SRPK2: variants seen among roughly 807,000 people sequenced by gnomAD.
The protein encoded by SRPK2 is SFRS protein kinase 2.
A neutral mutation model predicts 90.8 loss-of-function variants in SRPK2; 21 were observed. The observed-to-expected ratio is 0.23, with a 90% CI of 0.16 to 0.33. SRPK2 has a LOEUF of 0.33. Ranked by LOEUF, SRPK2 falls within the 10% of genes least tolerant of loss-of-function variation. SRPK2 has a pLI of 1.00. For missense variants in SRPK2, 620 were observed against 869.0 expected (o/e 0.71, Z 3.60); for synonymous variants, 288 against 311.1 (o/e 0.93, Z 0.78).
chr7:105,142,633 C>T (rs940979921), intron 10 of SRPK2, 143 bp from the exon 11 acceptor site: 2 of 1,159,980 alleles, frequency 1.7e-6, no homozygotes, highest in South Asian at 3.6e-5. Flanking sequence ...TGGGGTAAAA[C>T]CTTCAGGTTT....
At chr7:105,225,797 T>TAA (rs11389839) in intron 2 of SRPK2, among the ~76,000 whole-genome samples, 61 of 148,844 alleles carry the variant, frequency 4.1e-4, no homozygotes, top group South Asian at 6.3e-4. Context: ...AACTTACACT[T>TAA]AAAAAAAAAA....
intron 3 of SRPK2, among the ~76,000 whole-genome samples, chr7:105,181,905 A>AAC (rs1792896383): frequency 7.8e-6 from 1 of 128,902 alleles, no homozygotes; most frequent in African/African-American, 2.7e-5. Flanking sequence ...AACAGAAAAC[A>AAC]CACACACAAA....
At chr7:105,329,146 T>C (rs1214652373) in intron 2 of SRPK2, among the ~76,000 whole-genome samples, 1 of 152,182 alleles carries the variant, frequency 6.6e-6, no homozygotes, top group Admixed American at 6.6e-5. Context: ...CCCAAATTTT[T>C]TTCTCCCACA....
At chr7:105,191,750 TCTC>T (rs769511745) in intron 3 of SRPK2, among the ~76,000 whole-genome samples, 1 of 152,000 alleles carries the variant, frequency 6.6e-6, no homozygotes, top group Non-Finnish European at 1.5e-5. Flanking sequence ...GCTTTTGTCT[TCTC>T]CTTGTATCTT....
intron 3 of SRPK2, chr7:105,189,853 C>A: frequency 6.6e-6 from 1 of 152,610 alleles, no homozygotes; most frequent in Non-Finnish European, 1.5e-5. Context: ...ACTCTTTTTA[C>A]AAATTTTTAA....
At chr7:105,259,162 T>C (rs140016671) in intron 2 of SRPK2, among the ~76,000 whole-genome samples, 7,771 of 152,280 alleles carry the variant, frequency 0.051, 310 homozygotes, top group East Asian at 0.16. Flanking sequence ...CAAAATCTCC[T>C]TAAGCTGATA....
Position 105,256,006 on chromosome 7 carries a change from C to T in SRPK2, c.72-52221G>A, listed in dbSNP as rs1466170306. Among the ~76,000 whole-genome samples, 12 of 151,318 alleles carry T rather than the reference C, an allele frequency of 7.9e-5. No individual in the cohort carries two copies. In the East Asian group the frequency reaches 1.6e-3, roughly 20 times the overall value. ...CTCTTCCTATTACATACAGTTAATA[C>T]CTTATTGAATTTTGTACTGTTATTT... On this transcript the variant is annotated intron_variant, in intron 2 of 15. Transcript: ENST00000393651.
intron 1 of SRPK2, among the ~76,000 whole-genome samples, chr7:105,396,241 G>T (rs572744491): frequency 2.0e-5 from 3 of 152,090 alleles, no homozygotes; most frequent in African/African-American, 7.2e-5. Context: ...AATGGTAAGT[G>T]GGGCACAGAG....
Position 105,386,327 on chromosome 7 carries a change from AAAC to A in SRPK2, c.71+2318_71+2320del, listed in dbSNP as rs1309375501. On this transcript the variant is annotated intron_variant, in intron 2 of 15. Transcript: ENST00000393651. Reference sequence around the variant, plus strand: ...AGACTCGGTCTCAAAAAAAAAAAAAAAACAACCTCTAACACCATCTCCGAAGAC... The same window carrying A: ...AGACTCGGTCTCAAAAAAAAAAAAAAAACCTCTAACACCATCTCCGAAGAC... 2.0e-3 allele frequency among the ~76,000 whole-genome samples: 265 copies of A among 134,862 alleles called. 1 individual carries two copies. The highest frequency in any genetic ancestry group is 6.5e-3 in the African/African-American group (239 of 37,044). The allele number at this position is 134,862 out of a possible 152,430, so 88.5% of individuals were successfully genotyped here. A position where few individuals can be genotyped will look rare whatever the true frequency, so the allele number is the denominator to read the frequency against.
chr7:105,353,320 T>A (rs1192870301), intron 2 of SRPK2, among the ~76,000 whole-genome samples: 1 of 152,100 alleles, frequency 6.6e-6, no homozygotes, highest in East Asian at 1.9e-4. Context: ...GCTGTTAGAA[T>A]TCTTCCAGGT....
chr7:105,262,842 G>C (rs1804491547), intron 2 of SRPK2, among the ~76,000 whole-genome samples: 1 of 152,094 alleles, frequency 6.6e-6, no homozygotes, highest in Admixed American at 6.6e-5. Context: ...GGAGGGAAAG[G>C]TAAGAGAAGG....
chr7:105,233,483 G>C (rs1653658781), intron 2 of SRPK2, among the ~76,000 whole-genome samples: 1 of 152,152 alleles, frequency 6.6e-6, no homozygotes, highest in Admixed American at 6.5e-5. Flanking sequence ...TTGCATATGA[G>C]AGAATTAGAG....
chr7:105,157,894 C>T (rs1173714795), intron 7 of SRPK2, among the ~76,000 whole-genome samples: 2 of 151,958 alleles, frequency 1.3e-5, no homozygotes, highest in Admixed American at 6.6e-5. Context: ...ACAGTGAGAC[C>T]CCGTCTCTAC....
intron 2 of SRPK2, among the ~76,000 whole-genome samples, chr7:105,284,211 G>A (rs1167865674): frequency 6.6e-6 from 1 of 152,202 alleles, no homozygotes. Context: ...TCTGACCAGG[G>A]AAAGGGAGTG....
In SRPK2 at chr7:105,206,117, G is replaced by A. The variant is rs1413763034; in HGVS notation, c.72-2332C>T. 6 of 448,632 alleles carry A rather than the reference G, an allele frequency of 1.3e-5. No individual in the cohort carries two copies. In the Admixed American group the frequency reaches 1.4e-4, roughly 11 times the overall value. 27.8% of individuals were successfully genotyped at this position (448,632 alleles called of 1,614,324 possible). Reference sequence around the variant, plus strand: ...TGCTTTTCACCATCGCTGCCCTCCAGCCACTATATGTCAGTAGCACACAGC... The same window carrying A: ...TGCTTTTCACCATCGCTGCCCTCCAACCACTATATGTCAGTAGCACACAGC... On this transcript the variant is annotated intron_variant, in intron 2 of 15. Coordinates refer to ENST00000393651, the MANE Select transcript of SRPK2 (RefSeq NM_182692.3).
chr7:105,171,754 T>C (rs1173847157), intron 3 of SRPK2, among the ~76,000 whole-genome samples: 1 of 152,212 alleles, frequency 6.6e-6, no homozygotes, highest in Non-Finnish European at 1.5e-5. Flanking sequence ...TATGACAACA[T>C]TTTGGGCTAA....
At chr7:105,277,480 T>G (rs761530418) in intron 2 of SRPK2, among the ~76,000 whole-genome samples, 62 of 152,208 alleles carry the variant, frequency 4.1e-4, no homozygotes, top group Non-Finnish European at 7.9e-4. Context: ...AGCCAAGTAT[T>G]GAGGTCCTGA....
At chr7:105,388,361 G>A (rs1305074576) in intron 2 of SRPK2, among the ~76,000 whole-genome samples, 4 of 150,616 alleles carry the variant, frequency 2.7e-5, no homozygotes, top group African/African-American at 9.7e-5. Flanking sequence ...CGCCCTGCCC[G>A]GCGCCTTTCC....
intron 7 of SRPK2, among the ~76,000 whole-genome samples, chr7:105,155,811 T>C (rs1213856389): frequency 2.0e-5 from 3 of 152,150 alleles, no homozygotes; most frequent in African/African-American, 7.2e-5. Flanking sequence ...TGATCAAAGA[T>C]GTGGAGATAA....
Sources: allele counts gnomAD v4.1 joint callset (sites outside exome capture counted in the v4.1 genomes callset), GRCh38; gene constraint gnomAD v4.1.1; transcripts MANE v1.5; gene names NCBI Gene and HGNC (gene_info 2026-07-23, HGNC 2026-07-21).